The following MRAP2 variants were observed in gnomAD, a reference collection of about 807,000 sequenced individuals.
The protein encoded by MRAP2 is melanocortin-2 receptor accessory protein 2.
MRAP2 carries 20 observed loss-of-function variants against 17.4 expected under a neutral mutation model. The ratio of observed to expected loss-of-function variants is 1.15; its 90% CI spans 0.81 to 1.67. MRAP2 has a LOEUF of 1.67. MRAP2 is among the 40% of genes most tolerant of loss of function. The pLI is 0.00. For synonymous variants in MRAP2, 96 were observed against 88.4 expected (o/e 1.09, Z -0.48); for missense variants, 238 against 240.0 (o/e 0.99, Z 0.05).
chr6:84,055,314 C>G lies in MRAP2; in HGVS notation c.-5C>G, dbSNP rs147611875. 1 of 1,611,898 alleles carries G rather than the reference C, an allele frequency of 6.2e-7. No homozygotes were observed. The highest frequency in any genetic ancestry group is 1.1e-5 in the South Asian group (1 of 90,490). ...CTTGACTTTCTCCATTTGTGCAGGT[C>G]GGAGATGTCCGCCCAGAGGTTAATT... is the stretch of plus-strand genomic sequence containing the variant. On this transcript the variant is annotated splice_region_variant and 5_prime_UTR_variant, in exon 2 of 4. Coordinates refer to ENST00000257776, the MANE Select transcript of MRAP2 (RefSeq NM_138409.4).
At chr6:84,124,798 ATTTC>A in the MRAP2 span, 8 of 401,984 alleles carry the variant, frequency 2.0e-5, no homozygotes, top group Middle Eastern at 6.3e-4. Flanking sequence ...TTTTCTTTCT[ATTTC>A]TAGCATACAA....
chr6:84,065,932 C>T (rs74823174), intron 3 of MRAP2, among the ~76,000 whole-genome samples: 19,814 of 151,984 alleles, frequency 0.13, 1,387 homozygotes, highest in Middle Eastern at 0.26. Flanking sequence ...CCAGCCTACT[C>T]TACATATTTG....
chr6:84,052,620 G>A (rs955311237), intron 1 of MRAP2: 4 of 154,328 alleles, frequency 2.6e-5, no homozygotes, highest in Non-Finnish European at 5.7e-5. Flanking sequence ...AGAGGTCAGA[G>A]GTTCTGTCCT....
the MRAP2 span, among the ~76,000 whole-genome samples, chr6:84,134,001 G>T: frequency 9.2e-5 from 14 of 152,090 alleles, no homozygotes; most frequent in Admixed American, 8.5e-4. Context: ...TTTCAGATGG[G>T]GGTTTTTTCT....
At chr6:84,078,854 A>G (rs1386286546) in intron 3 of MRAP2, among the ~76,000 whole-genome samples, 1 of 152,224 alleles carries the variant, frequency 6.6e-6, no homozygotes, top group African/African-American at 2.4e-5. Context: ...TGAACTTCTC[A>G]GCTACATAAA....
the MRAP2 span, among the ~76,000 whole-genome samples, chr6:84,103,156 A>C: frequency 6.6e-6 from 1 of 152,338 alleles, no homozygotes; most frequent in Admixed American, 6.5e-5. Context: ...ATGAGGACAG[A>C]TTCTGGCAGA....
intron 3 of MRAP2, among the ~76,000 whole-genome samples, chr6:84,068,001 T>C (rs1047753878): frequency 3.9e-5 from 6 of 152,216 alleles, no homozygotes; most frequent in Non-Finnish European, 7.3e-5. Context: ...AATGTTATCT[T>C]CTAGAATTTT....
chr6:84,055,383 C>A lies in MRAP2; in HGVS notation c.65C>A (p.Thr22Asn). 6.2e-7 allele frequency: 1 copy of A among 1,613,210 alleles called. No homozygotes were observed. Among genetic ancestry groups the A allele is most frequent in the South Asian group, 1.1e-5 (1 of 90,962 alleles). Residue 22 changes from threonine to asparagine, a missense_variant, in exon 2 of 4, where the codon ACC (threonine) becomes AAC (asparagine). By Grantham distance (65) the Thr-to-Asn change is moderately conservative. Coordinates refer to ENST00000257776, the MANE Select transcript of MRAP2 (RefSeq NM_138409.4). Reference protein sequence around the residue: ...SQQSASNSDYTWEYEYYEIGP... With the variant: ...SQQSASNSDYNWEYEYYEIGP... ...CAATCGGCATCTAATTCTGATTACA[C>A]CTGGGAATATGAATATTATGAGATT...
chr6:84,106,026 C>T, the MRAP2 span, among the ~76,000 whole-genome samples: 1 of 152,102 alleles, frequency 6.6e-6, no homozygotes, highest in African/African-American at 2.4e-5. Flanking sequence ...GACACTGATT[C>T]AGAGCATCTA....
chr6:84,079,107 C>G (rs538540934), intron 3 of MRAP2, among the ~76,000 whole-genome samples: 12 of 152,296 alleles, frequency 7.9e-5, no homozygotes, highest in African/African-American at 2.9e-4. Flanking sequence ...GACTTTTCAA[C>G]AACGTTCAAA....
the MRAP2 span, among the ~76,000 whole-genome samples, chr6:84,098,975 T>C: frequency 6.6e-6 from 1 of 152,236 alleles, no homozygotes; most frequent in African/African-American, 2.4e-5. Context: ...CATAATTTTT[T>C]TAATAGATAT....
chr6:84,125,833 C>T, the MRAP2 span, among the ~76,000 whole-genome samples: 1 of 152,068 alleles, frequency 6.6e-6, no homozygotes, highest in Non-Finnish European at 1.5e-5. Context: ...TTTAGCCACC[C>T]AATTTATGAT....
chr6:84,052,101 T>C (rs918426660), intron 1 of MRAP2, among the ~76,000 whole-genome samples: 2 of 152,214 alleles, frequency 1.3e-5, no homozygotes, highest in African/African-American at 2.4e-5. Flanking sequence ...GAAGCTTGTT[T>C]AGGATATGTT....
intron 3 of MRAP2, among the ~76,000 whole-genome samples, chr6:84,071,698 T>C (rs566495663): frequency 6.6e-6 from 1 of 152,308 alleles, no homozygotes; most frequent in East Asian, 1.9e-4. Context: ...AGAATTCTCT[T>C]CTTCCTCAGG....
chr6:84,034,591 C>T (rs1015710139), intron 1 of MRAP2, among the ~76,000 whole-genome samples: 1 of 150,622 alleles, frequency 6.6e-6, no homozygotes, highest in Non-Finnish European at 1.5e-5. Flanking sequence ...CTGCAGAAAC[C>T]TGTTTGGAGG....
At chr6:84,142,360 G>A in the MRAP2 span, among the ~76,000 whole-genome samples, 1 of 152,118 alleles carries the variant, frequency 6.6e-6, no homozygotes, top group Non-Finnish European at 1.5e-5. Context: ...TAAAATGAAA[G>A]CTATATGATC....
At chr6:84,052,676 G>A (rs1446312005) in intron 1 of MRAP2, 1 of 208,210 alleles carries the variant, frequency 4.8e-6, no homozygotes, top group Non-Finnish European at 8.4e-6. Context: ...AAGAGGCAGT[G>A]GAGACAAATG....
the MRAP2 span, among the ~76,000 whole-genome samples, chr6:84,111,757 T>A: frequency 1.3e-5 from 2 of 152,320 alleles, no homozygotes; most frequent in Admixed American, 1.3e-4. Flanking sequence ...AGATAGCTCT[T>A]ATTATTTTGA....
chr6:84,135,706 C>T, the MRAP2 span, among the ~76,000 whole-genome samples: 1 of 151,992 alleles, frequency 6.6e-6, no homozygotes, highest in Non-Finnish European at 1.5e-5. Flanking sequence ...CTACTAAAAA[C>T]ACAAAAATTA....
Sources: allele counts gnomAD v4.1 joint callset (sites outside exome capture counted in the v4.1 genomes callset), GRCh38; gene constraint gnomAD v4.1.1; transcripts MANE v1.5; gene names NCBI Gene and HGNC (gene_info 2026-07-23, HGNC 2026-07-21).